ANKRD44: variants seen among roughly 807,000 people sequenced by gnomAD.
ANKRD44 encodes the protein serine/threonine-protein phosphatase 6 regulatory ankyrin repeat subunit B.
In ANKRD44, 35 loss-of-function variants were observed where a neutral mutation model predicts 116.0. The ratio of observed to expected loss-of-function variants is 0.30; its 90% confidence interval spans 0.23 to 0.40. The LOEUF (loss-of-function observed/expected upper bound fraction) is 0.40. ANKRD44 is among the 10% of genes least tolerant of loss of function. The pLI is 1.00. For missense variants in ANKRD44, 1,014 were observed against 1,242.6 expected (o/e 0.82, Z 2.77); for synonymous variants, 435 against 461.8 (o/e 0.94, Z 0.74).
At chr2:197,147,485 G>T (rs1268756977) in intron 2 of ANKRD44, among the ~76,000 whole-genome samples, 1 of 150,250 alleles carries the variant, frequency 6.7e-6, no homozygotes, top group Admixed American at 6.6e-5. Flanking sequence ...AGCTTTCAAT[G>T]ACTTATTTTC....
intron 16 of ANKRD44, among the ~76,000 whole-genome samples, chr2:197,068,690 T>C (rs182411044): frequency 1.8e-4 from 27 of 152,208 alleles, no homozygotes; most frequent in Non-Finnish European, 3.4e-4. Flanking sequence ...CCAACAGACA[T>C]GTGAAAAAAT....
chr2:197,308,305 A>G (rs990999441), intron 1 of ANKRD44, among the ~76,000 whole-genome samples: 5 of 152,176 alleles, frequency 3.3e-5, no homozygotes, highest in African/African-American at 4.8e-5. Flanking sequence ...ACAATGATGG[A>G]GCAAAACTCT....
rs1375847665 is a variant in ANKRD44, at chr2:197,251,408, T to C, written c.27+59170A>G. ...AGGTCAAAGAGTCTGGACAATTGTG[T>C]GACTTCTTACATCCACTGCTAATGT... On this transcript the variant is annotated intron_variant, in intron 1 of 27. Coordinates refer to ENST00000282272, the MANE Select transcript of ANKRD44 (RefSeq NM_001195144.2). 2.6e-5 allele frequency among the ~76,000 whole-genome samples: 4 copies of C among 152,324 alleles called. No individual in the cohort carries two copies. In the East Asian group the frequency reaches 7.7e-4, roughly 29 times the overall value.
chr2:197,150,504 G>A (rs1255551221), intron 2 of ANKRD44, among the ~76,000 whole-genome samples: 1 of 151,982 alleles, frequency 6.6e-6, no homozygotes, highest in Non-Finnish European at 1.5e-5. Flanking sequence ...AGCCAAGATC[G>A]CGCCACTGCA....
At chr2:197,262,575 G>A (rs902911785) in intron 1 of ANKRD44, among the ~76,000 whole-genome samples, 1 of 152,182 alleles carries the variant, frequency 6.6e-6, no homozygotes, top group African/African-American at 2.4e-5. Context: ...TCTTTCCACA[G>A]AAGAATGTTT....
At position 197,264,572 on chromosome 2, in the gene ANKRD44, T is replaced by C. The variant is rs183621968; in HGVS notation, c.27+46006A>G. Reference sequence around the variant, plus strand: ...AGTCAGAGCTGCAACAAATAGTTCATAACATGGGGTGGATTTCCTCCCTTT... The same window carrying C: ...AGTCAGAGCTGCAACAAATAGTTCACAACATGGGGTGGATTTCCTCCCTTT... On this transcript the variant is annotated intron_variant, in intron 1 of 27. Coordinates refer to ENST00000282272, the MANE Select transcript of ANKRD44 (RefSeq NM_001195144.2). 1.0e-3 allele frequency among the ~76,000 whole-genome samples: 152 copies of C among 152,314 alleles called. No individual in the cohort carries two copies. In the East Asian group the frequency reaches 0.024, roughly 24 times the overall value.
intron 1 of ANKRD44, among the ~76,000 whole-genome samples, chr2:197,265,303 G>A (rs2082713870): frequency 6.6e-6 from 1 of 151,368 alleles, no homozygotes; most frequent in Non-Finnish European, 1.5e-5. Context: ...CTGAAGTGCA[G>A]TGGCATGATC....
chr2:197,217,181 T>A (rs2081467708), intron 1 of ANKRD44, among the ~76,000 whole-genome samples: 1 of 152,238 alleles, frequency 6.6e-6, no homozygotes, highest in Non-Finnish European at 1.5e-5. Context: ...CTAGGTTATC[T>A]AAATAATCAC....
downstream of ANKRD44, among the ~76,000 whole-genome samples, chr2:196,985,534 A>G (rs536389363): frequency 1.3e-5 from 2 of 152,324 alleles, no homozygotes; most frequent in South Asian, 4.1e-4. Flanking sequence ...TTCTGGCAGA[A>G]AAAAACAAAA....
At chr2:197,122,919 C>T (rs969228349) in intron 6 of ANKRD44, 127 bp from the exon 7 acceptor site, 4 of 1,166,818 alleles carry the variant, frequency 3.4e-6, no homozygotes, top group Non-Finnish European at 3.5e-6. Context: ...TTGTAAAAAG[C>T]TGGTTCATGG....
intron 16 of ANKRD44, among the ~76,000 whole-genome samples, chr2:197,056,401 G>C (rs897590823): frequency 1.3e-5 from 2 of 152,060 alleles, no homozygotes; most frequent in African/African-American, 2.4e-5. Context: ...TTGAAACAGA[G>C]TTACTTTTTC....
At chr2:197,207,025 G>A (rs151195690) in intron 1 of ANKRD44, among the ~76,000 whole-genome samples, 5 of 152,244 alleles carry the variant, frequency 3.3e-5, no homozygotes, top group East Asian at 3.9e-4. Flanking sequence ...TTTAAAAATC[G>A]TGATAAGATT....
At chr2:197,245,243 G>A (rs2082166498) in intron 1 of ANKRD44, among the ~76,000 whole-genome samples, 1 of 152,102 alleles carries the variant, frequency 6.6e-6, no homozygotes, top group Non-Finnish European at 1.5e-5. Flanking sequence ...CTGGGCAACA[G>A]AGCAAGACTC....
At chr2:197,000,923 A>G (rs1268992453) in intron 22 of ANKRD44, among the ~76,000 whole-genome samples, 9 of 152,220 alleles carry the variant, frequency 5.9e-5, no homozygotes, top group Non-Finnish European at 1.3e-4. Flanking sequence ...CTGTAGTCCC[A>G]GCTGCTTGGG....
At chr2:197,063,632 T>C (rs2077366718) in intron 16 of ANKRD44, among the ~76,000 whole-genome samples, 3 of 152,154 alleles carry the variant, frequency 2.0e-5, no homozygotes, top group Non-Finnish European at 4.4e-5. Flanking sequence ...CTGAAAACCA[T>C]GGCACAAGAA....
chr2:197,094,538 C>T (rs1338278141), intron 10 of ANKRD44, among the ~76,000 whole-genome samples: 1 of 152,126 alleles, frequency 6.6e-6, no homozygotes, highest in African/African-American at 2.4e-5. Context: ...TGTATGATTC[C>T]TTAAAAGCCA....
At chr2:197,195,337 A>T (rs1371432585) in intron 1 of ANKRD44, among the ~76,000 whole-genome samples, 1 of 152,268 alleles carries the variant, frequency 6.6e-6, no homozygotes, top group East Asian at 1.9e-4. Context: ...AAAGGAATAG[A>T]GTTTTCCCAA....
chr2:197,150,933 T>G (rs1319176134), intron 2 of ANKRD44, among the ~76,000 whole-genome samples: 3 of 152,044 alleles, frequency 2.0e-5, no homozygotes, highest in African/African-American at 7.2e-5. Context: ...TGACAAACAC[T>G]CACGTAGGCA....
intron 2 of ANKRD44, among the ~76,000 whole-genome samples, chr2:197,159,079 A>C (rs1221001660): frequency 6.6e-6 from 1 of 152,220 alleles, no homozygotes; most frequent in African/African-American, 2.4e-5. Flanking sequence ...AGATGCTCAA[A>C]GGCATCTGCT....
Sources: allele counts gnomAD v4.1 joint callset (sites outside exome capture counted in the v4.1 genomes callset), GRCh38; gene constraint gnomAD v4.1.1; transcripts MANE v1.5; gene names NCBI Gene and HGNC (gene_info 2026-07-23, HGNC 2026-07-21).